Variants in OMA1 observed in about 807,000 individuals in gnomAD.
OMA1 encodes metalloendopeptidase OMA1, mitochondrial.
A neutral mutation model predicts 30.9 loss-of-function variants in OMA1; 38 were observed. The observed-to-expected ratio is 1.23, with a 90% CI of 0.95 to 1.61. The LOEUF (loss-of-function observed/expected upper bound fraction) is 1.61, where lower values mean the gene tolerates loss of function less well. Ranked by LOEUF, OMA1 falls within the 40% of genes most tolerant of loss-of-function variation. OMA1 has a pLI of 0.00. For missense variants in OMA1, 461 were observed against 349.2 expected (o/e 1.32, Z -2.55); for synonymous variants, 173 against 121.9 (o/e 1.42, Z -2.76).
At chr1:58,530,868 A>C in intron 5 of OMA1, 139 bp from the exon 6 acceptor site, 1 of 588,820 alleles carries the variant, frequency 1.7e-6, no homozygotes, top group East Asian at 2.9e-5. Flanking sequence ...TCTTTTGCTT[A>C]TTCTTTCCGG....
At chr1:58,516,194 ACAAT>A (rs1329953452) in intron 7 of OMA1, among the ~76,000 whole-genome samples, 3 of 152,200 alleles carry the variant, frequency 2.0e-5, no homozygotes, top group Non-Finnish European at 2.9e-5. Context: ...ACAATCAAAA[ACAAT>A]CATACACCAT....
At chr1:58,506,357 T>C in intron 7 of OMA1, 148 bp from the exon 8 acceptor site, 1 of 544,052 alleles carries the variant, frequency 1.8e-6, no homozygotes, top group Non-Finnish European at 3.2e-6. Context: ...TACATACGTA[T>C]ACATGTGCCA....
At chr1:58,487,493 TTAA>T (rs1410828803) in intron 8 of OMA1, among the ~76,000 whole-genome samples, 1 of 152,206 alleles carries the variant, frequency 6.6e-6, no homozygotes, top group Non-Finnish European at 1.5e-5. Flanking sequence ...AATCAGAAAC[TTAA>T]TAACATACCT....
At chr1:58,529,986 T>C (rs957572659) in intron 6 of OMA1, among the ~76,000 whole-genome samples, 15 of 152,054 alleles carry the variant, frequency 9.9e-5, no homozygotes, top group Non-Finnish European at 1.8e-4. Flanking sequence ...GTTCACGCCA[T>C]TCTCCTGCCT....
intron 1 of OMA1, among the ~76,000 whole-genome samples, chr1:58,544,198 A>T (rs1384863324): frequency 6.6e-6 from 1 of 152,242 alleles, no homozygotes; most frequent in Non-Finnish European, 1.5e-5. Context: ...CAATGAACTT[A>T]AAAAATTTTA....
At chr1:58,499,331 A>AG (rs1354788387) in intron 8 of OMA1, among the ~76,000 whole-genome samples, 2 of 151,128 alleles carry the variant, frequency 1.3e-5, no homozygotes, top group Non-Finnish European at 3.0e-5. Flanking sequence ...AAAAAAAAAA[A>AG]AAAAAAGGCC....
rs367603087 is a variant in OMA1 at position 58,492,478 on chromosome 1, T to C, written c.1366-11304A>G. Among the ~76,000 whole-genome samples the C allele has an allele frequency of 1.8e-3, 277 of 151,576 alleles. 6 individuals carry two copies. In the South Asian group the frequency reaches 0.054, roughly 30 times the overall value. On this transcript the variant is annotated intron_variant, in intron 8 of 8. Coordinates refer to ENST00000371226, the MANE Select transcript of OMA1 (RefSeq NM_145243.5). ...TTCAAAAAATCAATGAATCCAGGAG[T>C]TGGTTTTTTGAAAAGATCAACAAAA...
chr1:58,498,957 G>A (rs750747019), intron 8 of OMA1, among the ~76,000 whole-genome samples: 2 of 152,066 alleles, frequency 1.3e-5, no homozygotes, highest in Non-Finnish European at 2.9e-5. Flanking sequence ...AGGCCACCTT[G>A]ACATAGGACA....
In OMA1 at chr1:58,542,245, T is replaced by A. The variant is rs143487249; in HGVS notation, c.-16-2935A>T. On this transcript the variant is annotated intron_variant, in intron 1 of 8. Coordinates refer to ENST00000371226, the MANE Select transcript of OMA1 (RefSeq NM_145243.5). ...AGTTTGACATTATTAACAAGATACT[T>A]TGTTTTTACTTTTTTGAACCAAGCT... 1.5e-3 allele frequency among the ~76,000 whole-genome samples: 228 copies of A among 152,344 alleles called. 7 individuals carry two copies. In the East Asian group the frequency reaches 0.042, roughly 28 times the overall value.
intron 1 of OMA1, among the ~76,000 whole-genome samples, chr1:58,541,954 GA>G (rs950991209): frequency 6.6e-5 from 10 of 152,090 alleles, no homozygotes; most frequent in East Asian, 1.9e-4. Context: ...AAAAGTTGGG[GA>G]AAAAAATATG....
At chr1:58,494,056 G>T (rs949744592) in intron 8 of OMA1, among the ~76,000 whole-genome samples, 16 of 152,066 alleles carry the variant, frequency 1.1e-4, no homozygotes, top group Admixed American at 7.2e-4. Flanking sequence ...CATGGTACTG[G>T]TACCAAAACA....
chr1:58,518,602 G>A (rs1053890066), intron 7 of OMA1, among the ~76,000 whole-genome samples: 2 of 151,474 alleles, frequency 1.3e-5, no homozygotes, highest in Admixed American at 1.3e-4. Context: ...AAAAAATTAA[G>A]AGTAAATGAT....
intron 7 of OMA1, among the ~76,000 whole-genome samples, chr1:58,508,976 C>A (rs1646031664): frequency 1.3e-5 from 2 of 151,978 alleles, no homozygotes; most frequent in African/African-American, 4.8e-5. Context: ...CCAGACAGGA[C>A]CCTAGACACC....
chr1:58,544,609 C>T (rs528363356), intron 1 of OMA1, among the ~76,000 whole-genome samples: 15 of 152,216 alleles, frequency 9.9e-5, no homozygotes, highest in African/African-American at 3.6e-4. Context: ...CTTTTCTTTT[C>T]GAGACAGGGT....
At chr1:58,544,766 G>A (rs1646674762) in intron 1 of OMA1, among the ~76,000 whole-genome samples, 3 of 152,206 alleles carry the variant, frequency 2.0e-5, no homozygotes, top group South Asian at 4.1e-4. Flanking sequence ...GCTAATTTTT[G>A]TATTTTTAGT....
At chr1:58,519,628 C>T (rs1206973714) in intron 7 of OMA1, among the ~76,000 whole-genome samples, 1 of 152,036 alleles carries the variant, frequency 6.6e-6, no homozygotes, top group Admixed American at 6.6e-5. Flanking sequence ...TATGAAACAT[C>T]CAGCATTCAA....
intron 1 of OMA1, among the ~76,000 whole-genome samples, chr1:58,543,224 G>T (rs961997524): frequency 6.6e-6 from 1 of 152,086 alleles, no homozygotes; most frequent in Non-Finnish European, 1.5e-5. Flanking sequence ...TCTCTAAGAC[G>T]TTTACATGGT....
intron 8 of OMA1, among the ~76,000 whole-genome samples, chr1:58,487,329 T>C (rs1238471437): frequency 1.3e-5 from 2 of 152,272 alleles, no homozygotes; most frequent in East Asian, 3.8e-4. Context: ...TTTATGATGC[T>C]GCTCATGCAT....
intron 8 of OMA1, among the ~76,000 whole-genome samples, chr1:58,497,812 G>C (rs1376585031): frequency 3.3e-5 from 5 of 152,086 alleles, no homozygotes; most frequent in Admixed American, 3.3e-4. Context: ...TCTCTACAAC[G>C]TGGCGGCTTT....
Sources: allele counts gnomAD v4.1 joint callset (sites outside exome capture counted in the v4.1 genomes callset), GRCh38; gene constraint gnomAD v4.1.1; transcripts MANE v1.5; gene names NCBI Gene and HGNC (gene_info 2026-07-23, HGNC 2026-07-21).